Variants in SLC22A2 observed in about 807,000 individuals in gnomAD.
SLC22A2 encodes organic cation transporter 2.
SLC22A2 carries 46 observed loss-of-function variants against 60.5 expected under a neutral mutation model. That is an observed-to-expected ratio of 0.76 (90% CI 0.60 to 0.97). SLC22A2 has a LOEUF of 0.97. Ranked by LOEUF, SLC22A2 falls within the 50% of genes least tolerant of loss-of-function variation. The pLI is 0.00. For synonymous variants in SLC22A2, 303 were observed against 267.0 expected (o/e 1.13, Z -1.31); for missense variants, 701 against 706.6 (o/e 0.99, Z 0.09).
intron 9 of SLC22A2, among the ~76,000 whole-genome samples, chr6:160,238,939 G>A (rs572327682): frequency 2.0e-5 from 3 of 152,186 alleles, no homozygotes; most frequent in Non-Finnish European, 4.4e-5. Context: ...GGTAAAATGG[G>A]GCTGAGACCT....
At chr6:160,225,526 T>G (rs534797770) in intron 9 of SLC22A2, among the ~76,000 whole-genome samples, 1 of 152,160 alleles carries the variant, frequency 6.6e-6, no homozygotes, top group African/African-American at 2.4e-5. Context: ...AATTAGAAGC[T>G]GCAGGGCACA....
At chr6:160,253,432 G>A (rs142789113) in intron 2 of SLC22A2, among the ~76,000 whole-genome samples, 5 of 152,232 alleles carry the variant, frequency 3.3e-5, no homozygotes, top group East Asian at 1.9e-4. Flanking sequence ...ATAGTAAACC[G>A]ACATGGTGCA....
At position 160,258,746 on chromosome 6, in the gene SLC22A2, G is replaced by A. The variant is rs750094931; in HGVS notation, c.12C>T (p.Thr4=). Residue 4 remains threonine, a synonymous_variant, in exon 1 of 11, where the codon ACC becomes ACT. Transcript: ENST00000366953. ...CTCCATGCTCCAGGACATCGTCCAC[G>A]GTGGTGGGCATGATCCTGCAGGCAG... MPT[T]VDDVLEHGGE... is the part of the protein sequence containing the mutation. 26 of 1,556,400 alleles carry A rather than the reference G, an allele frequency of 1.7e-5. No homozygotes were observed. Among genetic ancestry groups the A allele is most frequent in the Non-Finnish European group, 1.9e-5 (22 of 1,149,150 alleles).
At chr6:160,218,358 G>C (rs1270785947) in intron 10 of SLC22A2, 2 of 183,464 alleles carry the variant, frequency 1.1e-5, no homozygotes, top group East Asian at 1.6e-4. Context: ...GCAGCAGCAG[G>C]AACAACAAAA....
chr6:160,225,217 G>A (rs2114851147), intron 9 of SLC22A2, among the ~76,000 whole-genome samples: 1 of 152,150 alleles, frequency 6.6e-6, no homozygotes, highest in East Asian at 1.9e-4. Context: ...AATGAATTAT[G>A]TATCTATTAC....
At chr6:160,253,485 T>G (rs1783219945) in intron 2 of SLC22A2, among the ~76,000 whole-genome samples, 1 of 152,132 alleles carries the variant, frequency 6.6e-6, no homozygotes, top group Admixed American at 6.6e-5. Flanking sequence ...GCCTGGGACC[T>G]GTTTTAGCTA....
At chr6:160,243,172 G>A (rs1195279938) in intron 7 of SLC22A2, among the ~76,000 whole-genome samples, 1 of 152,166 alleles carries the variant, frequency 6.6e-6, no homozygotes, top group Non-Finnish European at 1.5e-5. Flanking sequence ...AGTTATTTAT[G>A]GATGGCATTT....
intron 9 of SLC22A2, among the ~76,000 whole-genome samples, chr6:160,231,945 A>G (rs953898563): frequency 6.6e-6 from 1 of 151,880 alleles, no homozygotes. Flanking sequence ...TTATCCAAAC[A>G]ACTTGACCTT....
intron 9 of SLC22A2, among the ~76,000 whole-genome samples, chr6:160,231,957 C>G (rs1438471961): frequency 6.6e-6 from 1 of 151,980 alleles, no homozygotes; most frequent in Non-Finnish European, 1.5e-5. Context: ...CTTGACCTTA[C>G]TGTTTTAGCC....
intron 7 of SLC22A2, 135 bp downstream of exon 7, chr6:160,243,437 C>A: frequency 2.8e-6 from 2 of 714,402 alleles, no homozygotes; most frequent in Non-Finnish European, 2.4e-6. Flanking sequence ...TCAGAAGGGT[C>A]CCAGATACTG....
chr6:160,233,268 T>A (rs967110325), intron 9 of SLC22A2, among the ~76,000 whole-genome samples: 3 of 151,886 alleles, frequency 2.0e-5, no homozygotes, highest in African/African-American at 7.3e-5. Context: ...CATGGTCATT[T>A]CTTCCCTTCT....
At chr6:160,235,311 T>A (rs1782892851) in intron 9 of SLC22A2, among the ~76,000 whole-genome samples, 2 of 151,496 alleles carry the variant, frequency 1.3e-5, no homozygotes, top group Non-Finnish European at 2.9e-5. Context: ...TAATGGCAGT[T>A]ATGGGGAGAT....
intron 9 of SLC22A2, among the ~76,000 whole-genome samples, chr6:160,230,494 T>C (rs1782804196): frequency 6.6e-6 from 1 of 151,976 alleles, no homozygotes; most frequent in South Asian, 2.1e-4. Flanking sequence ...TAAATATGCA[T>C]TTTATTACCC....
chr6:160,253,821 G>A (rs1783225818), intron 2 of SLC22A2, among the ~76,000 whole-genome samples: 1 of 152,114 alleles, frequency 6.6e-6, no homozygotes, highest in Admixed American at 6.5e-5. Flanking sequence ...CTGTGTAATG[G>A]TGCACACTTC....
intron 9 of SLC22A2, among the ~76,000 whole-genome samples, chr6:160,233,670 A>C (rs1353135496): frequency 6.6e-6 from 1 of 151,822 alleles, no homozygotes; most frequent in East Asian, 1.9e-4. Context: ...TTCTCAATTC[A>C]TACAAAAATG....
chr6:160,253,165 T>C (rs1783214823), intron 2 of SLC22A2, among the ~76,000 whole-genome samples: 1 of 152,234 alleles, frequency 6.6e-6, no homozygotes, highest in African/African-American at 2.4e-5. Flanking sequence ...AGCACCTCTG[T>C]TCCTTGTGGA....
intron 9 of SLC22A2, among the ~76,000 whole-genome samples, chr6:160,240,098 C>G (rs1001330579): frequency 6.6e-6 from 1 of 152,048 alleles, no homozygotes; most frequent in Non-Finnish European, 1.5e-5. Context: ...TAGGGCATGT[C>G]CCTGAAAAGC....
At chr6:160,219,147 C>A (rs1225906637) in intron 10 of SLC22A2, among the ~76,000 whole-genome samples, 1 of 152,222 alleles carries the variant, frequency 6.6e-6, no homozygotes, top group Non-Finnish European at 1.5e-5. Context: ...CGAACACCAG[C>A]AGTAACAACA....
chr6:160,247,887 G>A (rs1337974396), intron 4 of SLC22A2, among the ~76,000 whole-genome samples: 6 of 152,184 alleles, frequency 3.9e-5, no homozygotes, highest in African/African-American at 2.4e-5. Context: ...GAGGTTCAGC[G>A]GGAGGAGAAA....
Sources: gnomAD v4.1 joint callset for allele counts (sites outside exome capture counted in the v4.1 genomes callset) on GRCh38, gnomAD v4.1.1 for gene constraint, MANE v1.5 for transcripts, NCBI Gene and HGNC (gene_info 2026-07-23, HGNC 2026-07-21) for gene names.